Variants in RELCH observed in about 807,000 individuals in gnomAD.
RELCH encodes the protein RAB11-binding protein RELCH.
RELCH carries 41 observed loss-of-function variants against 150.3 expected under a neutral mutation model. That is an observed-to-expected ratio of 0.27 (90% confidence interval 0.21 to 0.35). RELCH has a LOEUF of 0.35. Ranked by LOEUF, RELCH falls within the 10% of genes least tolerant of loss-of-function variation. The probability of loss-of-function intolerance (pLI) is 1.00; values close to 1 mark genes in which losing one functional copy is unlikely to be tolerated. For missense variants in RELCH, 1,092 were observed against 1,467.8 expected (o/e 0.74, Z 4.18); for synonymous variants, 478 against 531.8 (o/e 0.90, Z 1.39).
At chr18:62,249,963 A>T (rs181879428) in intron 11 of RELCH, among the ~76,000 whole-genome samples, 1 of 152,258 alleles carries the variant, frequency 6.6e-6, no homozygotes, top group African/African-American at 2.4e-5. Context: ...AGAAAAGCTT[A>T]ATTTTATGCT....
intron 27 of RELCH, among the ~76,000 whole-genome samples, chr18:62,294,870 G>A (rs149644074): frequency 2.6e-4 from 40 of 152,054 alleles, no homozygotes; most frequent in African/African-American, 9.4e-4. Flanking sequence ...TTTTTGAACC[G>A]TTCATCCTTT....
chr18:62,224,558 A>G (rs1351185673), intron 5 of RELCH, among the ~76,000 whole-genome samples: 3 of 152,128 alleles, frequency 2.0e-5, no homozygotes, highest in African/African-American at 7.2e-5. Flanking sequence ...AAACTAAGTG[A>G]TTTTAGCAAG....
At chr18:62,215,791 C>A (rs190496988) in intron 2 of RELCH, among the ~76,000 whole-genome samples, 1 of 152,218 alleles carries the variant, frequency 6.6e-6, no homozygotes, top group East Asian at 1.9e-4. Context: ...CACAATAGAT[C>A]TTTTAGTACC....
intron 1 of RELCH, among the ~76,000 whole-genome samples, chr18:62,189,377 C>T (rs2038449988): frequency 6.7e-6 from 1 of 149,628 alleles, no homozygotes; most frequent in Non-Finnish European, 1.5e-5. Flanking sequence ...GTACATGCTT[C>T]CTCCAGGCTT....
At chr18:62,292,444 C>T (rs941858812) in intron 27 of RELCH, among the ~76,000 whole-genome samples, 1 of 152,116 alleles carries the variant, frequency 6.6e-6, no homozygotes, top group Non-Finnish European at 1.5e-5. Flanking sequence ...CTCACCTTTT[C>T]ATTCATTAGA....
At chr18:62,216,655 C>T (rs967523389) in intron 2 of RELCH, among the ~76,000 whole-genome samples, 3 of 151,978 alleles carry the variant, frequency 2.0e-5, no homozygotes, top group African/African-American at 7.2e-5. Context: ...CTTGGAACAA[C>T]GGTCAATAGT....
chr18:62,194,880 C>A (rs1053574610), intron 1 of RELCH, among the ~76,000 whole-genome samples: 3 of 152,066 alleles, frequency 2.0e-5, no homozygotes, highest in African/African-American at 7.2e-5. Context: ...AAGTGGTTTT[C>A]TTTATTTAAT....
intron 2 of RELCH, among the ~76,000 whole-genome samples, chr18:62,219,288 CCA>C (rs2040682688): frequency 6.7e-6 from 1 of 148,988 alleles, no homozygotes; most frequent in Admixed American, 6.7e-5. Flanking sequence ...GAGTTTTTTC[CCA>C]GTTTGTGTTT....
In RELCH at chr18:62,305,444, T is replaced by C. The variant is rs2045846984; in HGVS notation, c.3561T>C (p.Ser1187=). The change falls in exon 29 of 29, where the codon AGT becomes AGC. Residue 1187 remains serine (S), a synonymous_variant. Coordinates refer to ENST00000644646, the MANE Select transcript of RELCH (RefSeq NM_001346231.2). This position sits in a 1 kb window ranked among gnomAD's most constrained non-coding sequence, Gnocchi z 4.0. ...TGTCAATTGCTGCAAGCTTAGTGAG[T>C]GAAGATACAAAGACCAAGTTTTTGA... ...GSMSIAASLV[S]EDTKTKFLNK... 6.2e-7 allele frequency: 1 copy of C among 1,610,898 alleles called. No homozygotes were observed.
intron 10 of RELCH, chr18:62,235,234 T>C (rs1179095740): frequency 6.6e-6 from 1 of 152,052 alleles, no homozygotes; most frequent in Non-Finnish European, 1.5e-5. Context: ...AAATTCCTCT[T>C]TTGAATAGTC....
At chr18:62,303,864 C>G (rs1209490607) in intron 28 of RELCH, among the ~76,000 whole-genome samples, 3 of 152,180 alleles carry the variant, frequency 2.0e-5, no homozygotes, top group East Asian at 1.9e-4. Flanking sequence ...GATGTGATAT[C>G]AAGAAGTGAC....
At chr18:62,217,484 T>C (rs1263211262) in intron 2 of RELCH, among the ~76,000 whole-genome samples, 1 of 151,960 alleles carries the variant, frequency 6.6e-6, no homozygotes, top group East Asian at 1.9e-4. Context: ...AATAAGTGAA[T>C]AGTCATCTTC....
intron 27 of RELCH, among the ~76,000 whole-genome samples, chr18:62,292,143 C>T (rs1411104588): frequency 2.6e-5 from 4 of 152,174 alleles, no homozygotes; most frequent in African/African-American, 9.7e-5. Flanking sequence ...TTTCATCCCT[C>T]TCCAAGTCTC....
chr18:62,213,562 T>C (rs1373248187), intron 2 of RELCH, among the ~76,000 whole-genome samples: 1 of 151,866 alleles, frequency 6.6e-6, no homozygotes, highest in Non-Finnish European at 1.5e-5. Context: ...AAACCCCATC[T>C]CTACTAAAAA....
At position 62,306,912 on chromosome 18, in the gene RELCH, T is replaced by C. The variant is rs2045895923; in HGVS notation, c.*1378T>C. 1 of 152,684 alleles carries C rather than the reference T, an allele frequency of 6.5e-6. No individual in the cohort carries two copies. The highest frequency in any genetic ancestry group is 2.4e-5 in the African/African-American group (1 of 41,474). 9.5% of individuals were successfully genotyped at this position (152,684 alleles called of 1,614,324 possible). On this transcript the variant is annotated 3_prime_UTR_variant, in exon 29 of 29. Transcript: ENST00000644646. ...CTGGGAAAGCTAGCTTACCATACAT[T>C]CAAGTTTATAAAACAATTTGCCATA...
intron 1 of RELCH, among the ~76,000 whole-genome samples, chr18:62,205,384 CT>C (rs2039712180): frequency 6.6e-6 from 1 of 152,146 alleles, no homozygotes; most frequent in Non-Finnish European, 1.5e-5. Flanking sequence ...GTTCCTACCC[CT>C]TCTAGCCCTT....
intron 1 of RELCH, among the ~76,000 whole-genome samples, chr18:62,191,679 T>C (rs181693500): frequency 1.3e-5 from 2 of 152,362 alleles, no homozygotes; most frequent in Admixed American, 1.3e-4. Flanking sequence ...CTGAGGATAA[T>C]GGCTTCCAGC....
intron 26 of RELCH, among the ~76,000 whole-genome samples, chr18:62,290,601 G>A (rs930835873): frequency 6.6e-6 from 1 of 152,212 alleles, no homozygotes; most frequent in Non-Finnish European, 1.5e-5. Flanking sequence ...ATAGGAGCTA[G>A]CTTTACAGGC....
chr18:62,195,961 G>T (rs1322408602), intron 1 of RELCH, among the ~76,000 whole-genome samples: 1 of 152,162 alleles, frequency 6.6e-6, no homozygotes, highest in South Asian at 2.1e-4. Flanking sequence ...CTCCCAAAGT[G>T]CTGGGATTAC....
Sources: allele counts gnomAD v4.1 joint callset (sites outside exome capture counted in the v4.1 genomes callset), GRCh38; gene constraint gnomAD v4.1.1; non-coding constraint Gnocchi (gnomAD v3.1); transcripts MANE v1.5; gene names NCBI Gene and HGNC (gene_info 2026-07-23, HGNC 2026-07-21).